The following HIPK1 variants were observed in gnomAD, a reference collection of about 807,000 sequenced individuals.
The protein encoded by HIPK1 is homeodomain-interacting protein kinase 1.
Under a neutral mutation model 117.1 loss-of-function variants are expected in HIPK1, and 28 were observed. The ratio of observed to expected loss-of-function variants is 0.24; its 90% CI spans 0.18 to 0.33. The LOEUF (loss-of-function observed/expected upper bound fraction) is 0.33. HIPK1 is among the 10% of genes least tolerant of loss of function. HIPK1 has a pLI of 1.00. For synonymous variants in HIPK1, 605 were observed against 562.5 expected (o/e 1.08, Z -1.07); for missense variants, 1,122 against 1,475.1 (o/e 0.76, Z 3.92).
intron 2 of HIPK1, among the ~76,000 whole-genome samples, chr1:113,945,914 G>GA (rs1670958711): frequency 6.6e-6 from 1 of 152,156 alleles, no homozygotes; most frequent in Non-Finnish European, 1.5e-5. Context: ...GGATAGCGAT[G>GA]AATCTGTAGA....
chr1:113,955,937 A>G (rs1571697238), intron 5 of HIPK1, among the ~76,000 whole-genome samples: 1 of 152,096 alleles, frequency 6.6e-6, no homozygotes. Flanking sequence ...AATACTTAAG[A>G]ATTATATTTA....
intron 11 of HIPK1, among the ~76,000 whole-genome samples, chr1:113,966,966 A>G (rs1672493591): frequency 6.6e-6 from 1 of 151,888 alleles, no homozygotes; most frequent in African/African-American, 2.4e-5. Flanking sequence ...TTTAGATCCC[A>G]TAAATAAGTG....
chr1:113,958,284 G>A lies in HIPK1; in HGVS notation c.1974G>A (p.Ala658=), dbSNP rs200232533. ...FQQTFIVCPP[A]FQTGLQATTK... is the part of the protein sequence containing the mutation. ...AGACATTTATAGTATGTCCACCTGC[G>A]TTTCAAAGTAAGTGGGGAAACTCCT... is the stretch of plus-strand genomic sequence containing the variant. The change falls in exon 8 of 16, where the codon GCG becomes GCA. Residue 658 remains alanine, a synonymous_variant. Transcript: ENST00000426820. The A allele has an allele frequency of 3.4e-5, 54 of 1,610,088 alleles. No individual in the cohort carries two copies. The highest frequency in any genetic ancestry group is 8.8e-5 in the South Asian group (8 of 90,880).
chr1:113,972,125 A>T, intron 15 of HIPK1, 171 bp downstream of exon 15: 1 of 1,551,570 alleles, frequency 6.4e-7, no homozygotes, highest in South Asian at 1.2e-5. Flanking sequence ...CTCTTCATTC[A>T]CTCTGTAAGT....
chr1:113,963,594 G>T (rs1672266771), intron 10 of HIPK1, 73 bp downstream of exon 10: 2 of 1,525,998 alleles, frequency 1.3e-6, no homozygotes, highest in African/African-American at 2.8e-5. Flanking sequence ...TTTCCTGTTT[G>T]TTTTTGTTCT....
chr1:113,954,190 C>A (rs1320052306), intron 3 of HIPK1, among the ~76,000 whole-genome samples: 1 of 151,656 alleles, frequency 6.6e-6, no homozygotes, highest in East Asian at 2.0e-4. Flanking sequence ...CTCAAACTCC[C>A]AGGCTCAAGC....
chr1:113,969,042 A>G (rs925330237), intron 13 of HIPK1, among the ~76,000 whole-genome samples: 4 of 152,156 alleles, frequency 2.6e-5, no homozygotes, highest in Non-Finnish European at 4.4e-5. Context: ...CCCAAAAAAA[A>G]GGGCCGAAGA....
At chr1:113,972,673 G>A (rs1321032728) in intron 15 of HIPK1, among the ~76,000 whole-genome samples, 1 of 152,180 alleles carries the variant, frequency 6.6e-6, no homozygotes, top group Admixed American at 6.5e-5. Context: ...GAAAGCAATG[G>A]TAAGAAATAA....
At chr1:113,960,052 A>T (rs1357791912) in intron 8 of HIPK1, among the ~76,000 whole-genome samples, 1 of 152,148 alleles carries the variant, frequency 6.6e-6, no homozygotes, top group Non-Finnish European at 1.5e-5. Context: ...TATTATCCTT[A>T]TTGCCCTTCA....
chr1:113,936,769 A>G (rs1670277902), intron 1 of HIPK1, among the ~76,000 whole-genome samples: 1 of 152,224 alleles, frequency 6.6e-6, no homozygotes, highest in Admixed American at 6.5e-5. Context: ...AATTCTTTTC[A>G]GTATTACTTT....
chr1:113,968,796 A>G, intron 13 of HIPK1, 148 bp downstream of exon 13: 1 of 655,502 alleles, frequency 1.5e-6, no homozygotes, highest in Non-Finnish European at 2.7e-6. Flanking sequence ...TGAGGCCAGC[A>G]GATCACCTGA....
At chr1:113,967,737 C>T in intron 11 of HIPK1, 29 bp from the exon 12 acceptor site, 2 of 1,436,966 alleles carry the variant, frequency 1.4e-6, no homozygotes, top group Non-Finnish European at 9.2e-7. Flanking sequence ...TTTTGGAATT[C>T]ACTCTTCTCT....
chr1:113,940,873 A>G lies in HIPK1; in HGVS notation c.490A>G (p.Thr164Ala). ...GAAATTTTVT[T>A]KSSSSSGEGD... is the part of the protein sequence containing the mutation. ...TGCTGCCACAACCACCACTGTGACCACAAAGAGTAGCAGTTCCAGCGGAGA... is the reference window on the plus strand; with the variant it reads ...TGCTGCCACAACCACCACTGTGACCGCAAAGAGTAGCAGTTCCAGCGGAGA... The change falls in exon 2 of 16, where the codon ACA becomes GCA. Residue 164 changes from threonine (T) to alanine (A), a missense_variant. Physicochemically the swap from Thr to Ala is moderately conservative, Grantham distance 58. Transcript: ENST00000426820. 1 of 1,614,164 alleles carries G rather than the reference A, an allele frequency of 6.2e-7. No individual in the cohort carries two copies. The highest frequency in any genetic ancestry group is 8.5e-7 in the Non-Finnish European group (1 of 1,180,040).
intron 1 of HIPK1, among the ~76,000 whole-genome samples, chr1:113,934,470 AT>A (rs2101124012): frequency 6.6e-6 from 1 of 152,280 alleles, no homozygotes; most frequent in East Asian, 1.9e-4. Flanking sequence ...TCTAGCTATT[AT>A]CTTTTAGCAA....
At chr1:113,949,845 C>T (rs1392344102) in intron 2 of HIPK1, among the ~76,000 whole-genome samples, 2 of 152,158 alleles carry the variant, frequency 1.3e-5, no homozygotes, top group East Asian at 3.9e-4. Context: ...GGTGATCCAG[C>T]CTCCTCGGCC....
rs2101530901 is a variant in HIPK1, at chr1:113,974,474, G to A, written c.*962G>A. On this transcript the variant is annotated 3_prime_UTR_variant, in exon 16 of 16. Coordinates refer to ENST00000426820, the MANE Select transcript of HIPK1 (RefSeq NM_198268.3). ...ATTGATGAGCTTTGCCTAAAGATTA[G>A]TATGAATTTTCAGTAATACACCTCT... 1 of 152,716 alleles carries A rather than the reference G, an allele frequency of 6.5e-6. No homozygotes were observed. The highest frequency in any genetic ancestry group is 2.1e-4 in the South Asian group (1 of 4,826). 9.5% of individuals were successfully genotyped at this position (152,716 alleles called of 1,614,324 possible).
chr1:113,938,533 T>G (rs1463771944), intron 1 of HIPK1, among the ~76,000 whole-genome samples: 2 of 152,032 alleles, frequency 1.3e-5, no homozygotes, highest in Admixed American at 1.3e-4. Flanking sequence ...ACTGAGTGGA[T>G]TTAAGGAGAT....
chr1:113,972,309 C>CT (rs1672891230), intron 15 of HIPK1, among the ~76,000 whole-genome samples: 3 of 152,122 alleles, frequency 2.0e-5, no homozygotes, highest in Non-Finnish European at 4.4e-5. Context: ...TAAGCTGATC[C>CT]TTACATTGTT....
intron 1 of HIPK1, among the ~76,000 whole-genome samples, chr1:113,934,717 A>G (rs1670134152): frequency 6.8e-6 from 1 of 147,182 alleles, no homozygotes; most frequent in African/African-American, 2.5e-5. Flanking sequence ...AGGCCAAGGC[A>G]GGAGGAGGAT....
Sources: gnomAD v4.1 joint callset for allele counts (sites outside exome capture counted in the v4.1 genomes callset) on GRCh38, gnomAD v4.1.1 for gene constraint, MANE v1.5 for transcripts, NCBI Gene and HGNC (gene_info 2026-07-23, HGNC 2026-07-21) for gene names.